ERG: variants seen among roughly 807,000 people sequenced by gnomAD.
ERG encodes ETS transcription factor ERG.
A neutral mutation model predicts 55.3 loss-of-function variants in ERG; 9 were observed. The observed-to-expected ratio is 0.16, with a 90% CI of 0.10 to 0.28. ERG has a LOEUF of 0.28. Among genes scored for constraint, ERG ranks in the 10% least tolerant of loss-of-function variants. The pLI, the probability that ERG is intolerant of heterozygous loss-of-function variation, is 1.00. For synonymous variants in ERG, 223 were observed against 237.3 expected, an observed-to-expected ratio of 0.94 and a Z score of 0.55; for missense variants, 434 against 631.6, an observed-to-expected ratio of 0.69 and a Z score of 3.35.
In ERG at chr21:38,494,338, C is replaced by CT. The variant is rs573323068; in HGVS notation, c.18+4024dup. On this transcript the variant is annotated intron_variant, in intron 1 of 9. Transcript: ENST00000288319. ...CCTGGAGACTGTCCCTGTCTCTTCT[C>CT]TGAGGTTTCTCATTTCAGAGAAACT... Among the ~76,000 whole-genome samples the CT allele has an allele frequency of 2.0e-3, 303 of 152,358 alleles. 2 individuals carry two copies. Among genetic ancestry groups the CT allele is most frequent in the African/African-American group, 6.9e-3 (287 of 41,588 alleles).
At chr21:38,519,995 A>AC (rs2059582086) in intron 2 of ERG, among the ~76,000 whole-genome samples, 1 of 151,988 alleles carries the variant, frequency 6.6e-6, no homozygotes, top group Non-Finnish European at 1.5e-5. Flanking sequence ...GTCACCACAC[A>AC]CACACACATA....
upstream of ERG, among the ~76,000 whole-genome samples, chr21:38,501,061 C>CTTTT (rs34639260): frequency 4.8e-4 from 39 of 81,142 alleles, no homozygotes; most frequent in African/African-American, 9.6e-4. Flanking sequence ...CAAGGCACAT[C>CTTTT]TTTTTTTTTT....
chr21:38,469,256 T>C (rs1213981736), intron 1 of ERG, among the ~76,000 whole-genome samples: 5 of 152,170 alleles, frequency 3.3e-5, no homozygotes, highest in Admixed American at 6.5e-5. Context: ...CTGTGACTCA[T>C]TAACGCACTT....
At position 38,403,389 on chromosome 21, in the gene ERG, G is replaced by A. The variant is rs988193179; in HGVS notation, c.592+117C>T. ...AGCATGTGGCTCCCTCGGATCCCCA[G>A]TGGGAACTGGGCGAGGGCAGGAGGA... On this transcript the variant is annotated intron_variant, in intron 4 of 9. Transcript: ENST00000288319. 1.2e-5 allele frequency: 12 copies of A among 975,936 alleles called. No individual in the cohort carries two copies. The African/African-American group carries it at 1.9e-4, about 16-fold the overall frequency. 60.5% of individuals were successfully genotyped at this position (975,936 alleles called of 1,614,324 possible).
chr21:38,455,520 GT>G (rs548593145), intron 1 of ERG, among the ~76,000 whole-genome samples: 6 of 152,124 alleles, frequency 3.9e-5, no homozygotes, highest in African/African-American at 1.2e-4. Context: ...AAAATCGGCA[GT>G]TTTATGCTTG....
rs1989247785 is a variant in ERG, at chr21:38,415,693, A to T, written c.388+7717T>A. Reference sequence around the variant, plus strand: ...GGCTCTGGTCTCACCCAGTTGTGCAAGTGTTCCCGGGAAAGTCATTTCACC... The same window carrying T: ...GGCTCTGGTCTCACCCAGTTGTGCATGTGTTCCCGGGAAAGTCATTTCACC... On this transcript the variant is annotated intron_variant, in intron 3 of 9. Transcript: ENST00000288319. Among the ~76,000 whole-genome samples the T allele has an allele frequency of 2.6e-5, 4 of 152,106 alleles. No homozygotes were observed. In the South Asian group the frequency reaches 8.3e-4, roughly 32 times the overall value.
chr21:38,643,811 G>A (rs749079054), intron 1 of ERG, among the ~76,000 whole-genome samples: 1 of 152,220 alleles, frequency 6.6e-6, no homozygotes, highest in Non-Finnish European at 1.5e-5. Flanking sequence ...CGTGCTCAGA[G>A]AGATTTCAAG....
intron 2 of ERG, among the ~76,000 whole-genome samples, chr21:38,424,404 CAGGCT>C (rs1385886925): frequency 6.6e-6 from 1 of 152,202 alleles, no homozygotes; most frequent in Non-Finnish European, 1.5e-5. Flanking sequence ...GCAGCCTGCA[CAGGCT>C]AGGACAGTGC....
At chr21:38,566,263 A>G (rs1262925692) in intron 2 of ERG, among the ~76,000 whole-genome samples, 1 of 152,244 alleles carries the variant, frequency 6.6e-6, no homozygotes, top group Non-Finnish European at 1.5e-5. Context: ...CCTATTCATT[A>G]GTAAGAAAGA....
intron 2 of ERG, among the ~76,000 whole-genome samples, chr21:38,440,176 G>T (rs1484720010): frequency 1.3e-5 from 2 of 152,210 alleles, no homozygotes; most frequent in Non-Finnish European, 2.9e-5. Context: ...AAGCTAAGAG[G>T]AGGGACAATT....
chr21:38,458,101 G>A (rs1297334111), intron 1 of ERG, among the ~76,000 whole-genome samples: 1 of 152,184 alleles, frequency 6.6e-6, no homozygotes, highest in African/African-American at 2.4e-5. Flanking sequence ...AAAACCAGCC[G>A]ACTGGAGCAC....
chr21:38,504,621 C>T (rs1439325023), intron 2 of ERG, among the ~76,000 whole-genome samples: 4 of 152,190 alleles, frequency 2.6e-5, no homozygotes, highest in East Asian at 1.9e-4. Flanking sequence ...ACAGACATCA[C>T]GTTGCCATTG....
At chr21:38,542,872 T>C (rs1002081412) in intron 2 of ERG, among the ~76,000 whole-genome samples, 11 of 152,252 alleles carry the variant, frequency 7.2e-5, no homozygotes, top group African/African-American at 2.7e-4. Flanking sequence ...AATTTACTGT[T>C]AGCTGTTTAA....
chr21:38,567,075 G>A (rs917621811), intron 2 of ERG, among the ~76,000 whole-genome samples: 1 of 19,644 alleles, frequency 5.1e-5, no homozygotes, highest in Non-Finnish European at 1.9e-4. Context: ...CGCCAGACTG[G>A]GGGGGGGATT....
chr21:38,483,596 C>A (rs2059257234), intron 1 of ERG, among the ~76,000 whole-genome samples: 1 of 152,148 alleles, frequency 6.6e-6, no homozygotes, highest in African/African-American at 2.4e-5. Context: ...CGCCTATAAT[C>A]CCAGCACTTT....
chr21:38,413,452 TATTA>T (rs572302760), intron 3 of ERG, among the ~76,000 whole-genome samples: 97 of 152,306 alleles, frequency 6.4e-4, no homozygotes, highest in African/African-American at 2.1e-3. Context: ...TTCATTCATT[TATTA>T]ATTAATCAAT....
At chr21:38,569,905 G>C (rs1307366946) in intron 2 of ERG, among the ~76,000 whole-genome samples, 3 of 152,102 alleles carry the variant, frequency 2.0e-5, no homozygotes, top group African/African-American at 7.2e-5. Context: ...CTGATACATG[G>C]CTACAGATAG....
chr21:38,564,003 G>C (rs953983750), intron 2 of ERG, among the ~76,000 whole-genome samples: 2 of 151,942 alleles, frequency 1.3e-5, no homozygotes, highest in African/African-American at 4.8e-5. Context: ...TTTCTGATTG[G>C]TTTATGCCCC....
chr21:38,469,492 C>G (rs539464800), intron 1 of ERG, among the ~76,000 whole-genome samples: 1 of 152,172 alleles, frequency 6.6e-6, no homozygotes, highest in Non-Finnish European at 1.5e-5. Flanking sequence ...TTAGAAAAAT[C>G]GATGAGTACA....
Sources: gnomAD v4.1 joint callset for allele counts (sites outside exome capture counted in the v4.1 genomes callset) on GRCh38, gnomAD v4.1.1 for gene constraint, MANE v1.5 for transcripts, NCBI Gene and HGNC (gene_info 2026-07-23, HGNC 2026-07-21) for gene names.